The following SLC22A23 variants were observed in gnomAD, a reference collection of about 807,000 sequenced individuals.
The protein encoded by SLC22A23 is solute carrier family 22 member 23.
In SLC22A23, 26 loss-of-function variants were observed where a neutral mutation model predicts 61.0. The ratio of observed to expected loss-of-function variants is 0.43; its 90% CI spans 0.31 to 0.59. The LOEUF (loss-of-function observed/expected upper bound fraction) is 0.59. SLC22A23 is among the 20% of genes least tolerant of loss of function. The probability of loss-of-function intolerance (pLI) is 0.11; values close to 1 mark genes in which losing one functional copy is unlikely to be tolerated. For missense variants in SLC22A23, 796 were observed against 934.7 expected, an observed-to-expected ratio of 0.85 and a Z score of 1.94; for synonymous variants, 430 against 413.9, an observed-to-expected ratio of 1.04 and a Z score of -0.47.
At chr6:3,284,588 G>A (rs1303826067) in intron 8 of SLC22A23, among the ~76,000 whole-genome samples, 1 of 151,830 alleles carries the variant, frequency 6.6e-6, no homozygotes, top group Non-Finnish European at 1.5e-5. Flanking sequence ...GGACACGGGC[G>A]AGGGCTGGGG....
chr6:3,278,877 C>T (rs1462208210), intron 9 of SLC22A23, among the ~76,000 whole-genome samples: 2 of 152,066 alleles, frequency 1.3e-5, no homozygotes, highest in East Asian at 1.9e-4. Context: ...TAAATGTGGA[C>T]GGCACTGACA....
At chr6:3,278,701 A>C (rs1759138819) in intron 9 of SLC22A23, among the ~76,000 whole-genome samples, 1 of 152,238 alleles carries the variant, frequency 6.6e-6, no homozygotes, top group African/African-American at 2.4e-5. Flanking sequence ...ATCCTTCTGT[A>C]AGATGAAGAC....
chr6:3,331,540 G>A (rs1179394729), intron 3 of SLC22A23, among the ~76,000 whole-genome samples: 1 of 152,210 alleles, frequency 6.6e-6, no homozygotes, highest in Admixed American at 6.5e-5. Flanking sequence ...ATATTTATAT[G>A]TGGATAATAA....
At chr6:3,345,595 C>T (rs1272367130) in intron 3 of SLC22A23, among the ~76,000 whole-genome samples, 1 of 152,032 alleles carries the variant, frequency 6.6e-6, no homozygotes, top group African/African-American at 2.4e-5. Context: ...AAACTCCTGA[C>T]CTCAGGTGAT....
chr6:3,319,024 G>A (rs74504348), intron 4 of SLC22A23, among the ~76,000 whole-genome samples: 4,081 of 152,282 alleles, frequency 0.027, 84 homozygotes, highest in Middle Eastern at 0.068. Context: ...CAGTGTGTGC[G>A]CTGCCTCTGT....
rs12202198 is a variant in SLC22A23 at position 3,403,673 on chromosome 6, C to T, written c.913+6515G>A. Among the ~76,000 whole-genome samples the T allele has an allele frequency of 7.5e-3, 1,142 of 152,192 alleles. 7 individuals carry two copies. Among genetic ancestry groups the T allele is most frequent in the Middle Eastern group, 0.021 (6 of 292 alleles). On this transcript the variant is annotated intron_variant, in intron 3 of 9. Coordinates refer to ENST00000406686, the MANE Select transcript of SLC22A23 (RefSeq NM_015482.2). Reference sequence around the variant, plus strand: ...CATCTAGGGGGGTAAGAGGAAGCACCCCTGGTTTCACTGCCCCCACTCCCA... The same window carrying T: ...CATCTAGGGGGGTAAGAGGAAGCACTCCTGGTTTCACTGCCCCCACTCCCA...
Position 3,286,889 on chromosome 6 carries a change from C to A in SLC22A23, c.1516G>T (p.Ala506Ser). The A allele has an allele frequency of 6.2e-7, 1 of 1,610,070 alleles. No homozygotes were observed. Among genetic ancestry groups the A allele is most frequent in the Admixed American group, 1.7e-5 (1 of 59,608 alleles). Reference protein sequence around the residue: ...LLLFMILTALASLLQLGLLNL... With the variant: ...LLLFMILTALSSLLQLGLLNL... ...AGGAGGCCGAGCTGCAGGAGTGAGG[C>A]CAGGGCGGTGAGGATCATGAAGAGC... is the stretch of plus-strand genomic sequence containing the variant. The change falls in exon 7 of 10, where the codon GCC (alanine) becomes TCC (serine). Residue 506 changes from alanine (A) to serine (S), a missense_variant. Coordinates refer to ENST00000406686, the MANE Select transcript of SLC22A23 (RefSeq NM_015482.2). The surrounding 1 kb of genome is among the most constrained non-coding windows in gnomAD (Gnocchi z 4.2).
At position 3,317,917 on chromosome 6, in the gene SLC22A23, C is replaced by T. The variant is rs2127391159; in HGVS notation, c.1082+5917G>A. ...CGATCCTGCCATGGCCCAGAAGGCT[C>T]AACATATTATAAGCATCCCCAGGCA... is the stretch of plus-strand genomic sequence containing the variant. On this transcript the variant is annotated intron_variant, in intron 4 of 9. Transcript: ENST00000406686. This position sits in a 1 kb window ranked among gnomAD's most constrained non-coding sequence, Gnocchi z 4.4. Among the ~76,000 whole-genome samples the T allele has an allele frequency of 6.6e-6, 1 of 152,276 alleles. No homozygotes were observed.
At chr6:3,408,459 T>C (rs1768975412) in intron 3 of SLC22A23, among the ~76,000 whole-genome samples, 1 of 152,246 alleles carries the variant, frequency 6.6e-6, no homozygotes, top group Non-Finnish European at 1.5e-5. Context: ...ACTCCTGGTC[T>C]GGCTTCATTC....
intron 3 of SLC22A23, among the ~76,000 whole-genome samples, chr6:3,337,159 T>G (rs1019163850): frequency 6.6e-6 from 1 of 152,214 alleles, no homozygotes; most frequent in African/African-American, 2.4e-5. Context: ...CCGTCATGAA[T>G]GTAGCCTCTG....
At chr6:3,277,183 T>G (rs565865972) in intron 9 of SLC22A23, among the ~76,000 whole-genome samples, 2 of 152,012 alleles carry the variant, frequency 1.3e-5, no homozygotes, top group Admixed American at 1.3e-4. Flanking sequence ...GTTCAAGAAC[T>G]GGGAGGCGAA....
intron 7 of SLC22A23, 105 bp from the exon 8 acceptor site, chr6:3,285,216 G>A (rs1449983852): frequency 1.0e-5 from 15 of 1,505,770 alleles, no homozygotes; most frequent in South Asian, 2.4e-5. Flanking sequence ...GTTCCCATGC[G>A]ACTTGGTTCA....
At chr6:3,341,773 C>T (rs1424815432) in intron 3 of SLC22A23, among the ~76,000 whole-genome samples, 10 of 105,602 alleles carry the variant, frequency 9.5e-5, no homozygotes, top group African/African-American at 2.0e-4. Context: ...CCCTGTCAAG[C>T]GAGGGGGGTG....
chr6:3,411,050 TCTGGAG>T (rs1433133873), intron 2 of SLC22A23, among the ~76,000 whole-genome samples: 1 of 152,182 alleles, frequency 6.6e-6, no homozygotes, highest in Non-Finnish European at 1.5e-5. Context: ...ATTCGTGGGT[TCTGGAG>T]CTGGCCAGTT....
intron 1 of SLC22A23, chr6:3,438,450 G>C (rs1277650270): frequency 2.2e-6 from 1 of 452,786 alleles, no homozygotes; most frequent in Non-Finnish European, 4.4e-6. Context: ...GAACCAGCCT[G>C]ATCTATTACT....
intron 1 of SLC22A23, among the ~76,000 whole-genome samples, chr6:3,437,684 G>A (rs148261640): frequency 1.6e-4 from 24 of 149,894 alleles, no homozygotes; most frequent in Non-Finnish European, 2.5e-4. Context: ...GCGAGACTCC[G>A]TCTCAAAAAA....
rs749258887 is a variant in SLC22A23, at chr6:3,272,762, T to C, written c.*293A>G. Reference sequence around the variant, plus strand: ...CTCGCTGCCCAGGGAGGTGATTCCATTTGTGATCAGTGAGAGGGAGAGGGA... The same window carrying C: ...CTCGCTGCCCAGGGAGGTGATTCCACTTGTGATCAGTGAGAGGGAGAGGGA... On this transcript the variant is annotated 3_prime_UTR_variant, in exon 10 of 10. Coordinates refer to ENST00000406686, the MANE Select transcript of SLC22A23 (RefSeq NM_015482.2). 3.7e-5 allele frequency: 9 copies of C among 245,830 alleles called. No homozygotes were observed. The highest frequency in any genetic ancestry group is 6.3e-5 in the Non-Finnish European group (8 of 127,022). 15.2% of individuals were successfully genotyped at this position (245,830 alleles called of 1,614,324 possible).
Position 3,380,543 on chromosome 6 carries a change from G to A in SLC22A23, c.913+29645C>T, listed in dbSNP as rs191709990. On this transcript the variant is annotated intron_variant, in intron 3 of 9. Transcript: ENST00000406686. ...AATATGTACAAAGTCCTGTGAAACC[G>A]GACTCTATTTTGGAACTTCCTATTT... Among the ~76,000 whole-genome samples, 34 of 151,986 alleles carry A rather than the reference G, an allele frequency of 2.2e-4. No individual in the cohort carries two copies. In the East Asian group the frequency reaches 5.6e-3, roughly 25 times the overall value.
At chr6:3,399,799 C>T (rs1768256602) in intron 3 of SLC22A23, among the ~76,000 whole-genome samples, 1 of 152,188 alleles carries the variant, frequency 6.6e-6, no homozygotes, top group East Asian at 1.9e-4. Flanking sequence ...TAGGAATGAT[C>T]TGTCCAGGAG....
Sources: allele counts gnomAD v4.1 joint callset (sites outside exome capture counted in the v4.1 genomes callset), GRCh38; gene constraint gnomAD v4.1.1; non-coding constraint Gnocchi (gnomAD v3.1); transcripts MANE v1.5; gene names NCBI Gene and HGNC (gene_info 2026-07-23, HGNC 2026-07-21).